Variants in TYW1 observed in about 807,000 individuals in gnomAD.
TYW1 encodes S-adenosyl-L-methionine-dependent tRNA 4-demethylwyosine synthase TYW1.
Under a neutral mutation model 96.2 loss-of-function variants are expected in TYW1, and 46 were observed. The observed-to-expected ratio is 0.48, with a 90% CI of 0.38 to 0.61. TYW1 has a LOEUF of 0.61. Among genes scored for constraint, TYW1 ranks in the 20% least tolerant of loss-of-function variants. TYW1 has a pLI of 0.00. For synonymous variants in TYW1, 274 were observed against 323.0 expected (o/e 0.85, Z 1.63); for missense variants, 684 against 909.6 (o/e 0.75, Z 3.19).
At chr7:67,073,951 G>A (rs541424092) in intron 10 of TYW1, among the ~76,000 whole-genome samples, 163 of 143,908 alleles carry the variant, frequency 1.1e-3, no homozygotes, top group South Asian at 3.6e-3. Context: ...GCGTGGTGGC[G>A]GACGCCTGTA....
At chr7:67,124,149 A>G (rs10274048) in intron 13 of TYW1, among the ~76,000 whole-genome samples, 1 of 152,264 alleles carries the variant, frequency 6.6e-6, no homozygotes, top group Non-Finnish European at 1.5e-5. Flanking sequence ...AACAGTTACT[A>G]TACTGCATTA....
intron 15 of TYW1, among the ~76,000 whole-genome samples, chr7:67,229,536 CTCA>C (rs1801678208): frequency 7.9e-6 from 1 of 126,672 alleles, no homozygotes; most frequent in African/African-American, 3.6e-5. Flanking sequence ...GAGACTCCAT[CTCA>C]AAAAAAAAAA....
intron 3 of TYW1, among the ~76,000 whole-genome samples, chr7:67,002,195 G>T (rs1240500293): frequency 6.6e-6 from 1 of 151,686 alleles, no homozygotes; most frequent in Non-Finnish European, 1.5e-5. Flanking sequence ...ATATGGGCTT[G>T]TGCCACCATG....
At chr7:67,143,153 A>G (rs1798502643) in intron 13 of TYW1, among the ~76,000 whole-genome samples, 1 of 152,088 alleles carries the variant, frequency 6.6e-6, no homozygotes, top group African/African-American at 2.4e-5. Context: ...TGTTTATACT[A>G]TAATCATTTC....
chr7:67,002,187 A>G (rs1279785242), intron 3 of TYW1, among the ~76,000 whole-genome samples: 2 of 151,682 alleles, frequency 1.3e-5, no homozygotes, highest in Non-Finnish European at 2.9e-5. Flanking sequence ...AGATGGGAAT[A>G]TGGGCTTGTG....
intron 13 of TYW1, among the ~76,000 whole-genome samples, chr7:67,177,692 A>G (rs1383961822): frequency 6.6e-6 from 1 of 152,232 alleles, no homozygotes; most frequent in Non-Finnish European, 1.5e-5. Flanking sequence ...AGTGTTGTTG[A>G]AGATAACAAC....
chr7:67,017,075 A>G (rs1794051131), intron 5 of TYW1, among the ~76,000 whole-genome samples: 1 of 144,030 alleles, frequency 6.9e-6, no homozygotes, highest in Admixed American at 7.5e-5. Context: ...TTCTGCCTCC[A>G]GGGTTCAAGG....
intron 13 of TYW1, among the ~76,000 whole-genome samples, chr7:67,176,523 A>G (rs866405214): frequency 1.8e-4 from 27 of 152,290 alleles, no homozygotes; most frequent in African/African-American, 6.0e-4. Context: ...ATATTTAAAT[A>G]TTGATTTCTT....
intron 13 of TYW1, among the ~76,000 whole-genome samples, chr7:67,148,764 C>T (rs7783888): frequency 0.3 from 45,668 of 151,930 alleles, 7,182 homozygotes; most frequent in African/African-American, 0.39. Context: ...CTAGGTCACA[C>T]AGATAATGGA....
At chr7:67,093,750 A>G (rs1304133303) in intron 11 of TYW1, among the ~76,000 whole-genome samples, 2 of 152,142 alleles carry the variant, frequency 1.3e-5, no homozygotes, top group Non-Finnish European at 2.9e-5. Context: ...TTGCAGTTAC[A>G]TAGTCATAAA....
Position 67,025,038 on chromosome 7 carries a change from G to A in TYW1, c.984+16G>A. 1 of 1,613,488 alleles carries A rather than the reference G, an allele frequency of 6.2e-7. No individual in the cohort carries two copies. ...GAAAGAAAAGGTACCGTTACTTTGG[G>A]AAATGTTGCACTTGGCTCCCGCAGT... On this transcript the variant is annotated intron_variant, in intron 7 of 15. Coordinates refer to ENST00000359626, the MANE Select transcript of TYW1 (RefSeq NM_018264.4).
chr7:67,080,402 C>CTTT lies in TYW1; in HGVS notation c.1275-3014_1275-3012dup, dbSNP rs370544344. Among the ~76,000 whole-genome samples, 42 of 141,590 alleles carry CTTT rather than the reference C, an allele frequency of 3.0e-4. 1 individual carries two copies. Among genetic ancestry groups the CTTT allele is most frequent in the South Asian group, 6.7e-4 (3 of 4,448 alleles). 92.9% of individuals were successfully genotyped at this position (141,590 alleles called of 152,430 possible). A position where few individuals can be genotyped will look rare whatever the true frequency, so the allele number is the denominator to read the frequency against. ...ATACAAGGATAGCTACTCTTGCTTA[C>CTTT]TTTTTTTTTTTTTTTTAATTTGAGA... On this transcript the variant is annotated intron_variant, in intron 10 of 15. Coordinates refer to ENST00000359626, the MANE Select transcript of TYW1 (RefSeq NM_018264.4).
intron 12 of TYW1, among the ~76,000 whole-genome samples, chr7:67,102,406 C>T (rs1797112099): frequency 6.6e-6 from 1 of 152,108 alleles, no homozygotes; most frequent in Admixed American, 6.5e-5. Flanking sequence ...GCCTTGATTG[C>T]CATCTTCAAC....
chr7:67,166,950 G>A (rs1459644518), intron 13 of TYW1, among the ~76,000 whole-genome samples: 2 of 152,104 alleles, frequency 1.3e-5, no homozygotes, highest in Non-Finnish European at 2.9e-5. Flanking sequence ...CCAGACAATC[G>A]CACGGCCATA....
chr7:67,040,507 G>A (rs1038978533), intron 7 of TYW1, among the ~76,000 whole-genome samples: 1 of 151,986 alleles, frequency 6.6e-6, no homozygotes, highest in African/African-American at 2.4e-5. Context: ...TGTGATAGCT[G>A]ATTGAGAGAT....
intron 15 of TYW1, among the ~76,000 whole-genome samples, chr7:67,220,504 C>T (rs1801355554): frequency 6.6e-6 from 1 of 151,896 alleles, no homozygotes; most frequent in African/African-American, 2.4e-5. Flanking sequence ...CGCCTGGCCT[C>T]ATTTATTGAT....
In TYW1 at chr7:67,238,355, C is replaced by T. The variant is rs543188464; in HGVS notation, c.2025C>T (p.Phe675=). 435 of 1,613,150 alleles carry T rather than the reference C, an allele frequency of 2.7e-4. 2 individuals are homozygous for T. In the East Asian group the frequency reaches 8.4e-3, roughly 31 times the overall value. Residue 675 remains phenylalanine (F), a synonymous_variant, in exon 16 of 16, where the codon TTC becomes TTT. Transcript: ENST00000359626. ...GGACATGGATCGATTATAACCGCTT[C>T]CAGGAGCTCATCCAGGAATATGAAG... is the stretch of plus-strand genomic sequence containing the variant. ...EWWTWIDYNR[F]QELIQEYEDS... is the part of the protein sequence containing the mutation.
chr7:67,059,559 G>A (rs886339309), intron 9 of TYW1, among the ~76,000 whole-genome samples: 1 of 149,690 alleles, frequency 6.7e-6, no homozygotes, highest in Non-Finnish European at 1.5e-5. Context: ...GCATTTTTTT[G>A]TATAAGGTCG....
intron 4 of TYW1, among the ~76,000 whole-genome samples, chr7:67,012,796 C>T (rs575697981): frequency 1.1e-4 from 16 of 151,940 alleles, no homozygotes; most frequent in Admixed American, 2.6e-4. Context: ...TATAAAGTTA[C>T]CTACAGGCTA....
Sources: allele counts gnomAD v4.1 joint callset (sites outside exome capture counted in the v4.1 genomes callset), GRCh38; gene constraint gnomAD v4.1.1; transcripts MANE v1.5; gene names NCBI Gene and HGNC (gene_info 2026-07-23, HGNC 2026-07-21).